Variants in ALKBH3 observed in about 807,000 individuals in gnomAD.
ALKBH3 encodes alkB homolog 3, alpha-ketoglutarate dependent dioxygenase.
ALKBH3 carries 51 observed loss-of-function variants against 43.9 expected under a neutral mutation model. The observed-to-expected ratio is 1.16, with a 90% confidence interval of 0.93 to 1.47. ALKBH3 has a LOEUF of 1.47. Among genes scored for constraint, ALKBH3 ranks in the 40% most tolerant of loss-of-function variants. The pLI is 0.00. For missense variants in ALKBH3, 361 were observed against 351.9 expected, an observed-to-expected ratio of 1.03 and a Z score of -0.21; for synonymous variants, 102 against 115.2, an observed-to-expected ratio of 0.89 and a Z score of 0.73.
intron 8 of ALKBH3, among the ~76,000 whole-genome samples, chr11:43,908,459 G>A (rs1458603218): frequency 6.6e-6 from 1 of 152,148 alleles, no homozygotes; most frequent in African/African-American, 2.4e-5. Context: ...AGGTATGGCG[G>A]AATGTGTTCT....
intron 7 of ALKBH3, among the ~76,000 whole-genome samples, chr11:43,896,013 T>G (rs1951815842): frequency 6.6e-6 from 1 of 152,248 alleles, no homozygotes; most frequent in Non-Finnish European, 1.5e-5. Flanking sequence ...AGCTGTAAGC[T>G]GAACTAGCTA....
intron 7 of ALKBH3, chr11:43,898,723 C>T (rs1951839028): frequency 2.8e-6 from 2 of 717,262 alleles, no homozygotes; most frequent in Admixed American, 1.9e-5. Flanking sequence ...ACTGGGCCGA[C>T]TTCTCATCCT....
chr11:43,882,207 G>A (rs1467187411), intron 1 of ALKBH3, among the ~76,000 whole-genome samples: 2 of 152,186 alleles, frequency 1.3e-5, no homozygotes, highest in East Asian at 3.8e-4. Context: ...TGGAATATAT[G>A]CTTGGAAACA....
intron 7 of ALKBH3, chr11:43,898,187 C>A: frequency 8.2e-7 from 1 of 1,216,448 alleles, no homozygotes; most frequent in Non-Finnish European, 1.2e-6. Flanking sequence ...GATTTGACTC[C>A]GCTGCAGGAG....
chr11:43,887,344 G>A (rs1196847026), intron 5 of ALKBH3, among the ~76,000 whole-genome samples: 1 of 152,122 alleles, frequency 6.6e-6, no homozygotes, highest in Non-Finnish European at 1.5e-5. Flanking sequence ...TTTTGCTTTT[G>A]TTGCCCAGGC....
intron 7 of ALKBH3, among the ~76,000 whole-genome samples, chr11:43,900,843 C>T (rs531028012): frequency 6.6e-6 from 1 of 152,164 alleles, no homozygotes; most frequent in African/African-American, 2.4e-5. Flanking sequence ...ATCAGTGAAC[C>T]CAGTGCCCAG....
intron 5 of ALKBH3, among the ~76,000 whole-genome samples, chr11:43,887,881 A>G (rs1951757112): frequency 6.7e-6 from 1 of 150,198 alleles, no homozygotes; most frequent in African/African-American, 2.5e-5. Context: ...CTCCGCCTCC[A>G]GGGTTCACGC....
intron 8 of ALKBH3, among the ~76,000 whole-genome samples, chr11:43,905,658 T>G (rs12363606): frequency 0.24 from 36,094 of 152,170 alleles, 4,786 homozygotes; most frequent in Admixed American, 0.4. Context: ...ATTCTGGCTG[T>G]TGTCAGGCTA....
At chr11:43,901,445 G>GT in intron 7 of ALKBH3, 71 bp from the exon 8 acceptor site, 1 of 1,577,512 alleles carries the variant, frequency 6.3e-7, no homozygotes, top group Non-Finnish European at 8.7e-7. Context: ...TTTCTTTTCT[G>GT]TTTTTCCATG....
Position 43,917,845 on chromosome 11 carries a change from G to A in ALKBH3, c.670-1193G>A, listed in dbSNP as rs183788054. 7.4e-4 allele frequency among the ~76,000 whole-genome samples: 112 copies of A among 152,256 alleles called. 2 individuals are homozygous for A. The highest frequency in any genetic ancestry group is 2.7e-3 in the African/African-American group (112 of 41,538). On this transcript the variant is annotated intron_variant, in intron 8 of 9. Coordinates refer to ENST00000302708, the MANE Select transcript of ALKBH3 (RefSeq NM_139178.4). ...TGAAACCAAAGTTATTTTAAACATT[G>A]CTTCTATCTTCTGTCTATAAAAATT...
At chr11:43,884,069 C>A in intron 4 of ALKBH3, 52 bp downstream of exon 4, 1 of 1,602,712 alleles carries the variant, frequency 6.2e-7, no homozygotes, top group Non-Finnish European at 8.5e-7. Flanking sequence ...AAATGAAGAG[C>A]CTGGAATCTT....
At chr11:43,894,762 A>G (rs1171310079) in intron 7 of ALKBH3, among the ~76,000 whole-genome samples, 1 of 152,226 alleles carries the variant, frequency 6.6e-6, no homozygotes, top group East Asian at 1.9e-4. Flanking sequence ...TGTAAAGTAA[A>G]TAGGAAATAC....
At chr11:43,902,491 A>G (rs1048102565) in intron 8 of ALKBH3, among the ~76,000 whole-genome samples, 2 of 152,180 alleles carry the variant, frequency 1.3e-5, no homozygotes, top group African/African-American at 4.8e-5. Flanking sequence ...CAATTATTTT[A>G]TTTTCAGTGT....
In ALKBH3 at chr11:43,920,007, G is replaced by T; in HGVS notation, c.858G>T (p.Trp286Cys). 1 of 1,613,358 alleles carries T rather than the reference G, an allele frequency of 6.2e-7. No homozygotes were observed. Among genetic ancestry groups the T allele is most frequent in the Non-Finnish European group, 8.5e-7 (1 of 1,179,346 alleles). Residue 286 changes from tryptophan to cysteine, a missense_variant, in exon 10 of 10, where the codon TGG becomes TGT. By Grantham distance (215) the Trp-to-Cys change is radical. Coordinates refer to ENST00000302708, the MANE Select transcript of ALKBH3 (RefSeq NM_139178.4). The stretch of plus-strand genomic sequence containing the variant: ...ATCCAGACCCTCGAGGGGCACCCTG[G>T]TGACGTCAGAGCTTTGAGAGAGAAG... ...TVYPDPRGAPW is the reference protein window; with the variant it reads ...TVYPDPRGAPC
intron 8 of ALKBH3, chr11:43,909,649 T>G (rs1393162579): frequency 6.6e-6 from 1 of 152,222 alleles, no homozygotes; most frequent in African/African-American, 2.4e-5. Context: ...CAGGCTAGCA[T>G]TTAGTTTTCA....
intron 6 of ALKBH3, among the ~76,000 whole-genome samples, chr11:43,890,994 G>GT (rs1951779901): frequency 1.3e-5 from 2 of 152,198 alleles, no homozygotes; most frequent in East Asian, 1.9e-4. Context: ...TTGTTATACT[G>GT]TTTTTTATTG....
chr11:43,889,027 C>CA (rs1565123233), intron 5 of ALKBH3, among the ~76,000 whole-genome samples: 1 of 150,074 alleles, frequency 6.7e-6, no homozygotes, highest in African/African-American at 2.4e-5. Context: ...ATTAGTTATT[C>CA]TTTTTTTTTT....
intron 7 of ALKBH3, among the ~76,000 whole-genome samples, chr11:43,900,348 C>T (rs946483359): frequency 2.7e-5 from 4 of 150,884 alleles, no homozygotes; most frequent in African/African-American, 9.7e-5. Context: ...CTCAGCCTCC[C>T]GAGTAGCTGG....
intron 5 of ALKBH3, 34 bp from the exon 6 acceptor site, chr11:43,889,691 G>GT: frequency 1.3e-6 from 2 of 1,574,476 alleles, no homozygotes; most frequent in Non-Finnish European, 1.7e-6. Context: ...TCTTTTCCAT[G>GT]TTTTTTGGTT....
Sources: allele counts gnomAD v4.1 joint callset (sites outside exome capture counted in the v4.1 genomes callset), GRCh38; gene constraint gnomAD v4.1.1; transcripts MANE v1.5; gene names NCBI Gene and HGNC (gene_info 2026-07-23, HGNC 2026-07-21).